The following ACVR2A variants were observed in gnomAD, a reference collection of about 807,000 sequenced individuals.
The protein encoded by ACVR2A is activin A receptor type 2A.
A neutral mutation model predicts 61.4 loss-of-function variants in ACVR2A; 7 were observed. The observed-to-expected ratio is 0.11, with a 90% confidence interval of 0.06 to 0.21. The LOEUF is 0.21. Among genes scored for constraint, ACVR2A ranks in the 10% least tolerant of loss-of-function variants. The probability of loss-of-function intolerance (pLI) is 1.00; values close to 1 mark genes in which losing one functional copy is unlikely to be tolerated. For missense variants in ACVR2A, 322 were observed against 621.7 expected (o/e 0.52, Z 5.13); for synonymous variants, 193 against 208.3 (o/e 0.93, Z 0.63).
intron 1 of ACVR2A, among the ~76,000 whole-genome samples, chr2:147,853,536 G>A (rs903723992): frequency 6.6e-6 from 1 of 151,952 alleles, no homozygotes; most frequent in East Asian, 1.9e-4. Flanking sequence ...CCATTCTTTT[G>A]GACTAGTTTT....
At chr2:147,903,365 C>G (rs111652505) in intron 4 of ACVR2A, among the ~76,000 whole-genome samples, 130 of 151,216 alleles carry the variant, frequency 8.6e-4, no homozygotes, top group African/African-American at 3.0e-3. Context: ...TGTCATTTAC[C>G]AAGTCCTGTT....
chr2:147,859,542 G>C (rs1010182956), intron 1 of ACVR2A, among the ~76,000 whole-genome samples: 1 of 151,770 alleles, frequency 6.6e-6, no homozygotes, highest in African/African-American at 2.4e-5. Flanking sequence ...CCATAGCATA[G>C]TATTGTTTTG....
At chr2:147,845,812 A>C (rs1288473498) in intron 1 of ACVR2A, among the ~76,000 whole-genome samples, 1 of 152,218 alleles carries the variant, frequency 6.6e-6, no homozygotes, top group South Asian at 2.1e-4. Context: ...AACCCAGTGC[A>C]GAAGAGGTAT....
At chr2:147,913,973 A>G (rs1341508217) in intron 4 of ACVR2A, among the ~76,000 whole-genome samples, 2 of 151,924 alleles carry the variant, frequency 1.3e-5, no homozygotes, top group East Asian at 3.8e-4. Flanking sequence ...TTTTTCCTAC[A>G]TAACACCTTG....
chr2:147,876,235 T>C (rs1052637779), intron 1 of ACVR2A, among the ~76,000 whole-genome samples: 3 of 152,108 alleles, frequency 2.0e-5, no homozygotes, highest in Non-Finnish European at 4.4e-5. Flanking sequence ...TCACTGTTAT[T>C]CTATTCTTGT....
chr2:147,924,958 A>G (rs768613790), intron 9 of ACVR2A, among the ~76,000 whole-genome samples: 2 of 151,972 alleles, frequency 1.3e-5, no homozygotes, highest in Non-Finnish European at 2.9e-5. Flanking sequence ...CTGTCCAGCC[A>G]TAGATAATTC....
intron 1 of ACVR2A, among the ~76,000 whole-genome samples, chr2:147,847,791 C>T (rs145122409): frequency 2.0e-5 from 3 of 152,150 alleles, no homozygotes; most frequent in Non-Finnish European, 4.4e-5. Flanking sequence ...TTCTCAGATT[C>T]TGTTTCAAAA....
intron 2 of ACVR2A, chr2:147,898,186 A>C (rs1451600662): frequency 6.6e-6 from 1 of 152,166 alleles, no homozygotes; most frequent in East Asian, 1.9e-4. Flanking sequence ...TTAAATGCTA[A>C]TTTTAAACTA....
At chr2:147,921,589 G>A (rs890082589) in intron 8 of ACVR2A, among the ~76,000 whole-genome samples, 37 of 152,128 alleles carry the variant, frequency 2.4e-4, no homozygotes, top group African/African-American at 8.7e-4. Flanking sequence ...GTAATGGTCA[G>A]TAGCCATATA....
intron 1 of ACVR2A, among the ~76,000 whole-genome samples, chr2:147,878,117 CT>C (rs1686204975): frequency 6.6e-6 from 1 of 151,912 alleles, no homozygotes; most frequent in Admixed American, 6.6e-5. Flanking sequence ...ACAGAACTGT[CT>C]TTTTGTTAGA....
At chr2:147,861,327 A>C (rs1685723590) in intron 1 of ACVR2A, among the ~76,000 whole-genome samples, 1 of 152,152 alleles carries the variant, frequency 6.6e-6, no homozygotes, top group African/African-American at 2.4e-5. Context: ...AGTAGTGTTT[A>C]TTTATAATAT....
chr2:147,911,490 C>G (rs1296628383), intron 4 of ACVR2A, among the ~76,000 whole-genome samples: 1 of 151,978 alleles, frequency 6.6e-6, no homozygotes, highest in African/African-American at 2.4e-5. Flanking sequence ...TCATTTCATT[C>G]TGGATATGAA....
chr2:147,846,747 T>C (rs1685321784), intron 1 of ACVR2A, among the ~76,000 whole-genome samples: 1 of 152,244 alleles, frequency 6.6e-6, no homozygotes, highest in African/African-American at 2.4e-5. Context: ...GTGACATGAC[T>C]TAACCATGTA....
At chr2:147,867,438 A>G (rs1685890411) in intron 1 of ACVR2A, among the ~76,000 whole-genome samples, 1 of 152,120 alleles carries the variant, frequency 6.6e-6, no homozygotes, top group South Asian at 2.1e-4. Flanking sequence ...GTTCTTCAAA[A>G]TCCAAGCAAT....
chr2:147,875,024 C>T (rs570133259), intron 1 of ACVR2A, among the ~76,000 whole-genome samples: 125 of 151,980 alleles, frequency 8.2e-4, no homozygotes, highest in African/African-American at 2.8e-3. Flanking sequence ...CTTTCATCCA[C>T]ATTTAATTTT....
chr2:147,910,382 T>C (rs965216499), intron 4 of ACVR2A, among the ~76,000 whole-genome samples: 5 of 152,188 alleles, frequency 3.3e-5, no homozygotes, highest in Non-Finnish European at 7.4e-5. Flanking sequence ...AACCATAGTC[T>C]ACTTATTCAG....
chr2:147,897,790 T>G (rs1686776366), intron 2 of ACVR2A, among the ~76,000 whole-genome samples: 1 of 152,216 alleles, frequency 6.6e-6, no homozygotes, highest in Non-Finnish European at 1.5e-5. Context: ...AATGTACTTC[T>G]AAGTATGTGA....
rs1687525985 is a variant in ACVR2A at position 147,927,260 on chromosome 2, G to C, written c.1528G>C (p.Glu510Gln). ...MVTNVDFPPK[E>Q]SSL is the part of the protein sequence containing the mutation. ...GACAAATGTTGACTTTCCTCCCAAA[G>C]AATCTAGTCTATGATGGTTGCGCCA... The change falls in exon 11 of 11, where the codon GAA becomes CAA. Residue 510 changes from glutamate (E) to glutamine (Q), a missense_variant. By Grantham distance (29) the Glu-to-Gln change is conservative. This residue lies in a region of ACVR2A where 34 missense variants were observed against 37.6 expected (regional missense o/e 0.91). Coordinates refer to ENST00000241416, the MANE Select transcript of ACVR2A (RefSeq NM_001616.5). The C allele has an allele frequency of 6.2e-7, 1 of 1,610,850 alleles. No individual in the cohort carries two copies. Among genetic ancestry groups the C allele is most frequent in the African/African-American group, 1.3e-5 (1 of 74,612 alleles).
At chr2:147,858,841 A>G (rs940718151) in intron 1 of ACVR2A, among the ~76,000 whole-genome samples, 3 of 152,192 alleles carry the variant, frequency 2.0e-5, no homozygotes, top group African/African-American at 7.2e-5. Context: ...ATTTGTGGGC[A>G]CTGAAATTTG....
Sources: gnomAD v4.1 joint callset for allele counts (sites outside exome capture counted in the v4.1 genomes callset) on GRCh38, gnomAD v4.1.1 for gene constraint, gnomAD v4.1.1 regional missense constraint, MANE v1.5 for transcripts, NCBI Gene and HGNC (gene_info 2026-07-23, HGNC 2026-07-21) for gene names.